The following SHLD1 variants were observed in gnomAD, a reference collection of about 807,000 sequenced individuals.
SHLD1 encodes RINN1-REV7-interacting novel NHEJ regulator 3.
A neutral mutation model predicts 5.5 loss-of-function variants in SHLD1; 3 were observed. The observed-to-expected ratio is 0.54, with a 90% CI of 0.25 to 1.40. The LOEUF is 1.40. Ranked by LOEUF, SHLD1 falls within the 40% of genes most tolerant of loss-of-function variation. The probability of loss-of-function intolerance (pLI) is 0.15; values close to 1 mark genes in which losing one functional copy is unlikely to be tolerated. For missense variants in SHLD1, 210 were observed against 244.4 expected (o/e 0.86, Z 0.94); for synonymous variants, 92 against 94.3 (o/e 0.98, Z 0.14).
chr20:5,852,625 T>G (rs138971261), intron 2 of SHLD1, among the ~76,000 whole-genome samples: 4,027 of 152,256 alleles, frequency 0.026, 81 homozygotes, highest in Middle Eastern at 0.062. Context: ...AACTTTTGTA[T>G]TTTTAGTAGA....
chr20:5,796,327 AATATATTACT>A (rs1276980905), intron 2 of SHLD1, among the ~76,000 whole-genome samples: 1 of 152,164 alleles, frequency 6.6e-6, no homozygotes, highest in Non-Finnish European at 1.5e-5. Flanking sequence ...TAATGTTATT[AATATATTACT>A]ATAAAAAGGC....
chr20:5,823,883 T>C (rs1212548601), intron 2 of SHLD1, among the ~76,000 whole-genome samples: 2 of 152,182 alleles, frequency 1.3e-5, no homozygotes, highest in African/African-American at 4.8e-5. Flanking sequence ...GTGTTCCAAA[T>C]AGAGTAATGT....
chr20:5,766,953 TCTGA>T, intron 1 of SHLD1, among the ~76,000 whole-genome samples: 1 of 152,224 alleles, frequency 6.6e-6, no homozygotes, highest in South Asian at 2.1e-4. Flanking sequence ...TCTTTGAAGT[TCTGA>T]CTGTCGTTTT....
chr20:5,805,791 G>T (rs2087366247), intron 2 of SHLD1, among the ~76,000 whole-genome samples: 1 of 152,068 alleles, frequency 6.6e-6, no homozygotes, highest in African/African-American at 2.4e-5. Flanking sequence ...GGTAGAGACA[G>T]GGTTTCACCA....
chr20:5,832,827 A>G (rs1256056880), intron 2 of SHLD1, among the ~76,000 whole-genome samples: 1 of 151,682 alleles, frequency 6.6e-6, no homozygotes. Flanking sequence ...AAATAAATAA[A>G]TAAATAAATA....
At chr20:5,770,353 CTT>C (rs1311964529) in intron 1 of SHLD1, among the ~76,000 whole-genome samples, 1 of 152,212 alleles carries the variant, frequency 6.6e-6, no homozygotes, top group Non-Finnish European at 1.5e-5. Flanking sequence ...GTTTGAAACA[CTT>C]CAGCAAATTT....
chr20:5,784,664 T>A (rs111920247), intron 2 of SHLD1, among the ~76,000 whole-genome samples: 2,697 of 152,022 alleles, frequency 0.018, 40 homozygotes, highest in African/African-American at 0.043. Context: ...GTTAGCCAGG[T>A]TGGTCTCGAT....
intron 2 of SHLD1, among the ~76,000 whole-genome samples, chr20:5,812,805 C>T (rs1335938790): frequency 2.0e-5 from 3 of 152,146 alleles, no homozygotes; most frequent in South Asian, 4.1e-4. Flanking sequence ...GACCCTGTTC[C>T]TAGGGTCGGG....
Position 5,771,618 on chromosome 20 carries a change from C to CT in SHLD1, c.-4-1230dup, listed in dbSNP as rs76582920. ...ATGTACTGTGGCCATAACTCCATAA[C>CT]TTTTTTTTTTTTTTGAGACAGAGTC... On this transcript the variant is annotated intron_variant, in intron 1 of 2. Transcript: ENST00000303142. 5.0e-3 allele frequency among the ~76,000 whole-genome samples: 722 copies of CT among 144,544 alleles called. 11 individuals are homozygous for CT. Among genetic ancestry groups the CT allele is most frequent in the African/African-American group, 0.012 (488 of 39,754 alleles). The allele number at this position is 144,544 out of a possible 152,430, so 94.8% of individuals were successfully genotyped here.
intron 2 of SHLD1, among the ~76,000 whole-genome samples, chr20:5,852,302 A>G (rs1408540291): frequency 6.6e-6 from 1 of 152,148 alleles, no homozygotes; most frequent in African/African-American, 2.4e-5. Context: ...GACTGGCTAC[A>G]TTTCAAGTGC....
At chr20:5,790,707 G>C (rs2087126739) in intron 2 of SHLD1, among the ~76,000 whole-genome samples, 1 of 151,936 alleles carries the variant, frequency 6.6e-6, no homozygotes, top group Non-Finnish European at 1.5e-5. Context: ...ACCCACCTTG[G>C]CCTCCCAAAG....
At chr20:5,783,918 G>A (rs113547178) in intron 2 of SHLD1, among the ~76,000 whole-genome samples, 6 of 152,210 alleles carry the variant, frequency 3.9e-5, no homozygotes, top group South Asian at 2.1e-4. Context: ...TTGGGAGGCC[G>A]AGGCTGGTGG....
chr20:5,802,878 G>A lies in SHLD1; in HGVS notation c.178+29835G>A, dbSNP rs202070405. On this transcript the variant is annotated intron_variant, in intron 2 of 2. Transcript: ENST00000303142. Reference sequence around the variant, plus strand: ...ATTACTGGCGTGAGCCACTGTGCCCGGCCTCTTGAGCTTTCTTTTAATGAT... The same window carrying A: ...ATTACTGGCGTGAGCCACTGTGCCCAGCCTCTTGAGCTTTCTTTTAATGAT... 1.2e-4 allele frequency among the ~76,000 whole-genome samples: 18 copies of A among 152,216 alleles called. No homozygotes were observed. In the East Asian group the frequency reaches 3.3e-3, roughly 28 times the overall value.
In SHLD1 at chr20:5,849,828, G is replaced by A. The variant is rs933008175; in HGVS notation, c.179-13196G>A. Among the ~76,000 whole-genome samples the A allele has an allele frequency of 3.3e-5, 5 of 150,524 alleles. No homozygotes were observed. In the East Asian group the frequency reaches 5.9e-4, roughly 18 times the overall value. On this transcript the variant is annotated intron_variant, in intron 2 of 2. Transcript: ENST00000303142. ...CAAAAAATTAGCCGGGCGCGGTGGC[G>A]GGCGCCTGTAGTCCCAGCTACTCGG...
In SHLD1 at chr20:5,863,523, G is replaced by T. The variant is rs954259585; in HGVS notation, c.*60G>T. ...GTGCTGTGCCATGACCAGCAGTGTT[G>T]GTGGCCACCCAGATCCCCTAGGGTC... On this transcript the variant is annotated 3_prime_UTR_variant, in exon 3 of 3. Transcript: ENST00000303142. The T allele has an allele frequency of 5.0e-5, 75 of 1,498,668 alleles. No individual in the cohort carries two copies. The highest frequency in any genetic ancestry group is 6.7e-5 in the Non-Finnish European group (75 of 1,111,652). 92.8% of individuals were successfully genotyped at this position (1,498,668 alleles called of 1,614,324 possible).
chr20:5,756,689 C>CT (rs35462391), intron 1 of SHLD1: 2,339 of 80,358 alleles, frequency 0.029, 77 homozygotes, highest in African/African-American at 0.067. Flanking sequence ...TTCTTTCTTT[C>CT]TTTTTTTTTT....
intron 2 of SHLD1, among the ~76,000 whole-genome samples, chr20:5,796,549 G>A (rs1422025137): frequency 6.6e-6 from 1 of 152,036 alleles, no homozygotes; most frequent in South Asian, 2.1e-4. Flanking sequence ...AGATGAGGCC[G>A]GGCGCAGTGG....
intron 2 of SHLD1, among the ~76,000 whole-genome samples, chr20:5,801,806 T>C (rs967461528): frequency 5.3e-5 from 8 of 152,012 alleles, no homozygotes; most frequent in African/African-American, 1.9e-4. Context: ...CCGTATCCCA[T>C]AGATGGGAAA....
At chr20:5,758,896 A>G (rs1175337786) in intron 1 of SHLD1, among the ~76,000 whole-genome samples, 3 of 148,374 alleles carry the variant, frequency 2.0e-5, no homozygotes, top group Non-Finnish European at 3.0e-5. Context: ...GGGACTAGCT[A>G]TGAGGAGAGC....
Sources: allele counts gnomAD v4.1 joint callset (sites outside exome capture counted in the v4.1 genomes callset), GRCh38; gene constraint gnomAD v4.1.1; transcripts MANE v1.5; gene names NCBI Gene and HGNC (gene_info 2026-07-23, HGNC 2026-07-21).